XKR9: variants seen among roughly 807,000 people sequenced by gnomAD.
XKR9 encodes XK-related protein 9.
A neutral mutation model predicts 32.0 loss-of-function variants in XKR9; 32 were observed. The ratio of observed to expected loss-of-function variants is 1.00; its 90% CI spans 0.76 to 1.34. The LOEUF is 1.34. Among genes scored for constraint, XKR9 ranks in the 40% most tolerant of loss-of-function variants. XKR9 has a pLI of 0.00. For missense variants in XKR9, 546 were observed against 429.7 expected (o/e 1.27, Z -2.39); for synonymous variants, 168 against 143.4 (o/e 1.17, Z -1.22).
At chr8:70,718,285 CTATTTATTTATTTTTAT>C (rs1806157882) in intron 4 of XKR9, among the ~76,000 whole-genome samples, 1 of 150,536 alleles carries the variant, frequency 6.6e-6, no homozygotes, top group African/African-American at 2.4e-5. Context: ...TTTTATTAAT[CTATTTATTTATTTTTAT>C]TATTTATTTA....
At chr8:70,975,827 T>G in the XKR9 span, among the ~76,000 whole-genome samples, 1 of 152,290 alleles carries the variant, frequency 6.6e-6, no homozygotes, top group East Asian at 1.9e-4. Flanking sequence ...ATAAATTACC[T>G]TGGGCAGTAT....
intron 2 of XKR9, among the ~76,000 whole-genome samples, chr8:70,757,310 T>A (rs1477167726): frequency 6.6e-6 from 1 of 152,076 alleles, no homozygotes; most frequent in African/African-American, 2.4e-5. Flanking sequence ...CTCATCATCT[T>A]TTTTTTCTCT....
chr8:70,848,501 C>T, the XKR9 span, among the ~76,000 whole-genome samples: 1 of 151,960 alleles, frequency 6.6e-6, no homozygotes, highest in Non-Finnish European at 1.5e-5. Flanking sequence ...AGAAGTCAAA[C>T]TAGCCTTGTT....
chr8:70,744,739 G>A (rs1004795816), intron 2 of XKR9, among the ~76,000 whole-genome samples: 18 of 152,156 alleles, frequency 1.2e-4, no homozygotes, highest in African/African-American at 4.3e-4. Context: ...TCAGGTAGCT[G>A]GGACTACAGG....
intron 2 of XKR9, among the ~76,000 whole-genome samples, chr8:70,748,388 T>C (rs1345329533): frequency 6.6e-6 from 1 of 152,208 alleles, no homozygotes; most frequent in Non-Finnish European, 1.5e-5. Context: ...TTCTAGTCTC[T>C]CCCCGCTCCT....
the XKR9 span, among the ~76,000 whole-genome samples, chr8:70,847,968 A>T: frequency 6.6e-6 from 1 of 152,076 alleles, no homozygotes; most frequent in East Asian, 1.9e-4. Flanking sequence ...CTTATTCTAC[A>T]AGGCCAACAC....
At chr8:70,854,354 C>T in the XKR9 span, among the ~76,000 whole-genome samples, 57 of 152,260 alleles carry the variant, frequency 3.7e-4, no homozygotes, top group Non-Finnish European at 6.8e-4. Context: ...ATATCCTTCG[C>T]CCACTTGTTG....
At chr8:70,917,762 A>G in the XKR9 span, among the ~76,000 whole-genome samples, 1 of 152,360 alleles carries the variant, frequency 6.6e-6, no homozygotes, top group East Asian at 1.9e-4. Flanking sequence ...CCTGGGTTCA[A>G]ATACCACTTT....
At chr8:70,850,495 T>C in the XKR9 span, among the ~76,000 whole-genome samples, 1 of 149,072 alleles carries the variant, frequency 6.7e-6, no homozygotes, top group Non-Finnish European at 1.5e-5. Context: ...GAAAGAAAAT[T>C]TCAGGCCAAT....
the XKR9 span, among the ~76,000 whole-genome samples, chr8:70,865,879 G>A: frequency 4.6e-5 from 7 of 152,302 alleles, no homozygotes; most frequent in South Asian, 4.1e-4. Flanking sequence ...GTGAGAAAAT[G>A]TTGATTGCAG....
chr8:70,814,250 C>T, the XKR9 span, among the ~76,000 whole-genome samples: 6 of 151,746 alleles, frequency 4.0e-5, no homozygotes, highest in South Asian at 4.2e-4. Context: ...AATGAGAACA[C>T]GTGGACACAG....
At chr8:70,827,692 G>A in the XKR9 span, among the ~76,000 whole-genome samples, 2 of 152,086 alleles carry the variant, frequency 1.3e-5, no homozygotes, top group African/African-American at 2.4e-5. Context: ...TTTGCAAAAT[G>A]CCAAAAATCT....
chr8:71,031,216 T>C, the XKR9 span, among the ~76,000 whole-genome samples: 12 of 152,198 alleles, frequency 7.9e-5, no homozygotes, highest in South Asian at 6.2e-4. Context: ...ACACAATTTA[T>C]CTTTTGTGCA....
At chr8:70,978,914 C>T in the XKR9 span, among the ~76,000 whole-genome samples, 3 of 152,148 alleles carry the variant, frequency 2.0e-5, no homozygotes, top group African/African-American at 7.2e-5. Context: ...TCCCATATTT[C>T]TTGGAGGCTT....
At chr8:70,931,448 T>A in the XKR9 span, among the ~76,000 whole-genome samples, 1 of 152,236 alleles carries the variant, frequency 6.6e-6, no homozygotes, top group African/African-American at 2.4e-5. Flanking sequence ...TATTGAATAA[T>A]GCCTGGCAAA....
At chr8:70,704,529 G>A (rs557022660) in intron 3 of XKR9, among the ~76,000 whole-genome samples, 28 of 152,192 alleles carry the variant, frequency 1.8e-4, no homozygotes, top group South Asian at 4.1e-4. Flanking sequence ...CCTATTTTCC[G>A]GATGAGGAAA....
At chr8:70,914,511 G>T in the XKR9 span, among the ~76,000 whole-genome samples, 4 of 152,072 alleles carry the variant, frequency 2.6e-5, no homozygotes, top group South Asian at 8.3e-4. Flanking sequence ...TGGCCATTTG[G>T]ATATCCTAAA....
chr8:70,961,500 A>G, the XKR9 span, among the ~76,000 whole-genome samples: 1 of 152,216 alleles, frequency 6.6e-6, no homozygotes, highest in African/African-American at 2.4e-5. Flanking sequence ...TGACCTCTAT[A>G]TTCCAAAACG....
chr8:70,939,691 A>G, the XKR9 span, among the ~76,000 whole-genome samples: 1 of 152,096 alleles, frequency 6.6e-6, no homozygotes, highest in Non-Finnish European at 1.5e-5. Context: ...TGGGTTTACC[A>G]TCACCTTGCC....
Sources: gnomAD v4.1 joint callset for allele counts (sites outside exome capture counted in the v4.1 genomes callset) on GRCh38, gnomAD v4.1.1 for gene constraint, MANE v1.5 for transcripts, NCBI Gene and HGNC (gene_info 2026-07-23, HGNC 2026-07-21) for gene names.